Variants in ZNF850 observed in about 807,000 individuals in gnomAD.
The protein encoded by ZNF850 is putative zinc finger protein ENSP00000330994.
A neutral mutation model predicts 11.9 loss-of-function variants in ZNF850; 2 were observed. That is an observed-to-expected ratio of 0.17 (90% CI 0.07 to 0.53). The LOEUF (loss-of-function observed/expected upper bound fraction) is 0.53, where lower values mean the gene tolerates loss of function less well. Ranked by LOEUF, ZNF850 falls within the 20% of genes least tolerant of loss-of-function variation. The pLI, the probability that ZNF850 is intolerant of heterozygous loss-of-function variation, is 0.94. For synonymous variants in ZNF850, 381 were observed against 443.0 expected, an observed-to-expected ratio of 0.86 and a Z score of 1.76; for missense variants, 1,014 against 1,316.4, an observed-to-expected ratio of 0.77 and a Z score of 3.55.
At chr19:36,764,271 C>T (rs915834756) in intron 1 of ZNF850, among the ~76,000 whole-genome samples, 13 of 151,970 alleles carry the variant, frequency 8.6e-5, no homozygotes, top group African/African-American at 3.1e-4. Context: ...AAATAAAATA[C>T]AAAAGTGAGT....
intron 1 of ZNF850, among the ~76,000 whole-genome samples, chr19:36,766,511 T>C (rs2040550383): frequency 6.6e-6 from 1 of 152,316 alleles, no homozygotes; most frequent in Non-Finnish European, 1.5e-5. Context: ...ACTTTATACA[T>C]GGCATTTAAA....
intron 1 of ZNF850, among the ~76,000 whole-genome samples, chr19:36,769,338 G>A (rs2040568423): frequency 1.3e-5 from 2 of 149,572 alleles, no homozygotes; most frequent in African/African-American, 2.5e-5. Context: ...AGGCAGCTCA[G>A]GCCTGTAATC....
intron 4 of ZNF850, among the ~76,000 whole-genome samples, chr19:36,756,815 C>A (rs1704659631): frequency 6.6e-6 from 1 of 152,100 alleles, no homozygotes; most frequent in African/African-American, 2.4e-5. Flanking sequence ...GGGTTTTCAC[C>A]ATGTTGACCA....
At chr19:36,768,072 G>C (rs1419483666) in intron 1 of ZNF850, among the ~76,000 whole-genome samples, 1 of 151,998 alleles carries the variant, frequency 6.6e-6, no homozygotes, top group Non-Finnish European at 1.5e-5. Context: ...TCAAGCCTGG[G>C]AAATATAGGG....
intron 4 of ZNF850, among the ~76,000 whole-genome samples, chr19:36,752,630 T>G (rs1048444631): frequency 6.6e-6 from 1 of 152,038 alleles, no homozygotes; most frequent in African/African-American, 2.4e-5. Flanking sequence ...AAATACACAA[T>G]ACTAATATCA....
rs2040410813 is a variant in ZNF850 at position 36,746,247 on chromosome 19, T to C, written c.*1520A>G. 2 of 152,226 alleles carry C rather than the reference T, an allele frequency of 1.3e-5. No individual in the cohort carries two copies. 9.4% of individuals were successfully genotyped at this position (152,226 alleles called of 1,614,324 possible). A position where few individuals can be genotyped will look rare whatever the true frequency, so the allele number is the denominator to read the frequency against. On this transcript the variant is annotated 3_prime_UTR_variant, in exon 5 of 5. Transcript: ENST00000591344. Reference sequence around the variant, plus strand: ...TCCCAACAATATTTCAACTTTCTCATTGTTGTTATATCTGTTATGGTGGCC... The same window carrying C: ...TCCCAACAATATTTCAACTTTCTCACTGTTGTTATATCTGTTATGGTGGCC...
In ZNF850 at chr19:36,747,539, G is replaced by A. The variant is rs1330837452; in HGVS notation, c.*228C>T. On this transcript the variant is annotated 3_prime_UTR_variant, in exon 5 of 5. Coordinates refer to ENST00000591344, the MANE Select transcript of ZNF850 (RefSeq NM_001193552.2). ...TAGTCCCAGCTACTAGGGAGGCTGAGGCAGGAGAATGGCATGAACCCAGGA... is the reference window on the plus strand; with the variant it reads ...TAGTCCCAGCTACTAGGGAGGCTGAAGCAGGAGAATGGCATGAACCCAGGA... 2 of 377,520 alleles carry A rather than the reference G, an allele frequency of 5.3e-6. No individual in the cohort carries two copies. Among genetic ancestry groups the A allele is most frequent in the African/African-American group, 2.1e-5 (1 of 48,726 alleles). 23.4% of individuals were successfully genotyped at this position (377,520 alleles called of 1,614,324 possible).
chr19:36,748,418 A>G lies in ZNF850; in HGVS notation c.2622T>C (p.Cys874=), dbSNP rs901520098. 1.9e-6 allele frequency: 3 copies of G among 1,562,852 alleles called. No individual in the cohort carries two copies. The highest frequency in any genetic ancestry group is 2.6e-6 in the Non-Finnish European group (3 of 1,159,000). ...CTGAGCGAAAAGCAAAAGATTTTCCACATTCCTTACAATGATAGGGTTTCT... is the reference window on the plus strand; with the variant it reads ...CTGAGCGAAAAGCAAAAGATTTTCCGCATTCCTTACAATGATAGGGTTTCT... ...TGEKPYHCKE[C]GKSFAFRSAI... is the part of the protein sequence containing the mutation. Residue 874 remains cysteine, a synonymous_variant, in exon 5 of 5, where the codon TGT becomes TGC. Transcript: ENST00000591344.
At chr19:36,751,802 TAAC>T (rs542139707) in intron 4 of ZNF850, among the ~76,000 whole-genome samples, 7 of 143,890 alleles carry the variant, frequency 4.9e-5, no homozygotes, top group Non-Finnish European at 9.0e-5. Flanking sequence ...TAAATAATAA[TAAC>T]AACATTGCTT....
Position 36,750,689 on chromosome 19 carries a change from G to C in ZNF850, c.351C>G (p.Val117=), listed in dbSNP as rs1355015458. 1 of 1,536,104 alleles carries C rather than the reference G, an allele frequency of 6.5e-7. No individual in the cohort carries two copies. Among genetic ancestry groups the C allele is most frequent in the South Asian group, 1.2e-5 (1 of 84,062 alleles). ...GGCCTTTGCATTCCCAGTCATCTCT[G>C]ACACTGGAGCCCACAAGGCTATGAC... is the stretch of plus-strand genomic sequence containing the variant. ...EKCHSLVGSS[V]RDDWECKGQF... Residue 117 remains valine, a synonymous_variant, in exon 5 of 5, where the codon GTC becomes GTG. Transcript: ENST00000591344.
rs2040431110 is a variant in ZNF850, at chr19:36,748,799, A to T, written c.2241T>A (p.His747Gln). The T allele has an allele frequency of 6.4e-7, 1 of 1,551,458 alleles. No homozygotes were observed. The highest frequency in any genetic ancestry group is 1.4e-5 in the African/African-American group (1 of 73,348). Residue 747 changes from histidine to glutamine, a missense_variant, in exon 5 of 5, where the codon CAT (histidine) becomes CAA (glutamine). Around this residue, in one of 2 missense-constraint regions of ZNF850, gnomAD observed 835 missense variants for 1,022.0 expected, o/e 0.82. Transcript: ENST00000591344. ...SFTSHSTLIQ[H>Q]QQIHTGEKPY... ...GTTTCTCACCAGTGTGAATTTGCTG[A>T]TGTTGAATTAGTGTTGAGTGAGAAG...
At position 36,747,925 on chromosome 19, in the gene ZNF850, A is replaced by G; in HGVS notation, c.3115T>C (p.Cys1039Arg). 1 of 1,569,376 alleles carries G rather than the reference A, an allele frequency of 6.4e-7. No individual in the cohort carries two copies. Residue 1039 changes from cysteine to arginine, a missense_variant, in exon 5 of 5, where the codon TGT (cysteine) becomes CGT (arginine). Cys to Arg is a radical substitution (Grantham distance 180). Around this residue, in one of 2 missense-constraint regions of ZNF850, gnomAD observed 179 missense variants for 294.4 expected, o/e 0.61. Transcript: ENST00000591344. ...RIHTGEKTYQ[C>R]PECGKAFFYA... ...AAAAAGGCTTTCCCACATTCCGGACATTGATAAGTTTTCTCACCAGTATGG... is the reference window on the plus strand; with the variant it reads ...AAAAAGGCTTTCCCACATTCCGGACGTTGATAAGTTTTCTCACCAGTATGG...
Position 36,762,680 on chromosome 19 carries a change from G to T in ZNF850, c.-69-5C>A. Reference sequence around the variant, plus strand: ...CCGAATATTCCATGGTTAGAGCTGGGAATGAATAAAACACATTGATATATT... The same window carrying T: ...CCGAATATTCCATGGTTAGAGCTGGTAATGAATAAAACACATTGATATATT... On this transcript the variant is annotated splice_region_variant and splice_polypyrimidine_tract_variant and intron_variant, in intron 1 of 4. Transcript: ENST00000591344. 1 of 1,440,486 alleles carries T rather than the reference G, an allele frequency of 6.9e-7. No individual in the cohort carries two copies. The highest frequency in any genetic ancestry group is 9.4e-7 in the Non-Finnish European group (1 of 1,060,614). 89.2% of individuals were successfully genotyped at this position (1,440,486 alleles called of 1,614,324 possible). A position where few individuals can be genotyped will look rare whatever the true frequency, so the allele number is the denominator to read the frequency against.
chr19:36,770,023 G>C (rs1283362333), intron 1 of ZNF850, among the ~76,000 whole-genome samples: 1 of 152,136 alleles, frequency 6.6e-6, no homozygotes, highest in Admixed American at 6.5e-5. Context: ...AAATAAAATG[G>C]CTCACAGACC....
chr19:36,748,059 G>A lies in ZNF850; in HGVS notation c.2981C>T (p.Ser994Leu). Residue 994 changes from serine to leucine, a missense_variant, in exon 5 of 5, where the codon TCA becomes TTA. Around this residue, in one of 2 missense-constraint regions of ZNF850, gnomAD observed 179 missense variants for 294.4 expected, o/e 0.61. Coordinates refer to ENST00000591344, the MANE Select transcript of ZNF850 (RefSeq NM_001193552.2). ...KECGKSFTCG[S>L]ELIRHQRTHT... ...AGTTCGCTGATGTCGAATTAGTTCT[G>A]AGCCGCAAGTAAAAGATTTCCCACA... The A allele has an allele frequency of 6.4e-7, 1 of 1,568,926 alleles. No homozygotes were observed. Among genetic ancestry groups the A allele is most frequent in the East Asian group, 2.3e-5 (1 of 42,624 alleles).
At position 36,749,172 on chromosome 19, in the gene ZNF850, C is replaced by T; in HGVS notation, c.1868G>A (p.Gly623Glu). ...TCGTAAACGAAGTCTAAAGGCCTTC[C>T]CACATTCCTTACAATCATAAGGTTT... Reference protein sequence around the residue: ...GEKPYDCKECGKAFRLRLRLT... With the variant: ...GEKPYDCKECEKAFRLRLRLT... Residue 623 changes from glycine to glutamate, a missense_variant, in exon 5 of 5, where the codon GGG (glycine) becomes GAG (glutamate). By Grantham distance (98) the Gly-to-Glu change is moderately conservative (BLOSUM62 -2). This residue lies in a region of ZNF850 where 835 missense variants were observed against 1,022.0 expected (regional missense o/e 0.82). Transcript: ENST00000591344. 1 of 1,605,942 alleles carries T rather than the reference C, an allele frequency of 6.2e-7. No homozygotes were observed. Among genetic ancestry groups the T allele is most frequent in the Non-Finnish European group, 8.5e-7 (1 of 1,177,712 alleles).
At chr19:36,765,673 C>A (rs2040545110) in intron 1 of ZNF850, among the ~76,000 whole-genome samples, 1 of 150,382 alleles carries the variant, frequency 6.6e-6, no homozygotes, top group South Asian at 2.1e-4. Context: ...CAACCTCCTC[C>A]TCCTGGATTC....
intron 4 of ZNF850, among the ~76,000 whole-genome samples, chr19:36,756,394 G>A (rs2040486569): frequency 6.6e-6 from 1 of 152,106 alleles, no homozygotes; most frequent in African/African-American, 2.4e-5. Context: ...CCAAGTTGAT[G>A]CACATCCACA....
intron 4 of ZNF850, among the ~76,000 whole-genome samples, chr19:36,753,349 G>T (rs2040465228): frequency 7.2e-6 from 1 of 139,318 alleles, no homozygotes; most frequent in South Asian, 2.3e-4. Context: ...AACACTTTGG[G>T]ATGCCAAGAC....
Sources: allele counts gnomAD v4.1 joint callset (sites outside exome capture counted in the v4.1 genomes callset), GRCh38; gene constraint gnomAD v4.1.1; regional missense constraint gnomAD v4.1.1; transcripts MANE v1.5; gene names NCBI Gene and HGNC (gene_info 2026-07-23, HGNC 2026-07-21).